The following PIGT variants were observed in gnomAD, a reference collection of about 807,000 sequenced individuals.
PIGT encodes the protein phosphatidylinositol glycan anchor biosynthesis class T.
PIGT carries 57 observed loss-of-function variants against 66.7 expected under a neutral mutation model. The observed-to-expected ratio is 0.86, with a 90% CI of 0.69 to 1.07. The LOEUF (loss-of-function observed/expected upper bound fraction) is 1.07, where lower values mean the gene tolerates loss of function less well. PIGT is among the 50% of genes least tolerant of loss of function. The pLI is 0.00. For synonymous variants in PIGT, 362 were observed against 320.5 expected (o/e 1.13, Z -1.38); for missense variants, 725 against 740.4 (o/e 0.98, Z 0.24).
chr20:45,423,771 C>T (rs534078551), intron 9 of PIGT: 6 of 161,994 alleles, frequency 3.7e-5, no homozygotes, highest in African/African-American at 7.3e-5. Flanking sequence ...TAGAATGTTC[C>T]ACATTCTGGG....
At chr20:45,416,921 C>T in intron 2 of PIGT, 1 of 414,394 alleles carries the variant, frequency 2.4e-6, no homozygotes, top group Non-Finnish European at 4.3e-6. Context: ...AGGCAAATAG[C>T]AAACAATTAA....
In PIGT at chr20:45,420,074, T is replaced by C. The variant is rs1257635495; in HGVS notation, c.682-62T>C. 63 of 1,210,948 alleles carry C rather than the reference T, an allele frequency of 5.2e-5. 3 individuals carry two copies. In the South Asian group the frequency reaches 6.3e-4, roughly 12 times the overall value. 75.0% of individuals were successfully genotyped at this position (1,210,948 alleles called of 1,614,324 possible). A position where few individuals can be genotyped will look rare whatever the true frequency, so the allele number is the denominator to read the frequency against. ...AGGGATTGAGTCTGAGTAGGAGTCT[T>C]TTTGGGGGCTGTGTGGTGAGAGTGA... On this transcript the variant is annotated intron_variant, in intron 5 of 11. Coordinates refer to ENST00000279036, the MANE Select transcript of PIGT (RefSeq NM_015937.6).
intron 2 of PIGT, 124 bp downstream of exon 2, chr20:45,416,818 C>A: frequency 1.2e-6 from 1 of 837,926 alleles, no homozygotes; most frequent in Non-Finnish European, 1.8e-6. Context: ...GGGGGTAGAG[C>A]TGGCATTGGA....
At chr20:45,418,670 G>A in intron 2 of PIGT, 182 bp from the exon 3 acceptor site, 1 of 641,222 alleles carries the variant, frequency 1.6e-6, no homozygotes, top group South Asian at 1.7e-5. Flanking sequence ...AAGGGGCTGA[G>A]TAGGATGAGA....
intron 2 of PIGT, chr20:45,418,043 T>A (rs1268569588): frequency 1.3e-5 from 2 of 152,284 alleles, no homozygotes; most frequent in African/African-American, 4.8e-5. Context: ...GCTTATTAAG[T>A]TTTATGCTTT....
chr20:45,424,423 T>TACC (rs745533644), intron 10 of PIGT, 42 bp downstream of exon 10: 76 of 1,613,616 alleles, frequency 4.7e-5, no homozygotes, highest in Admixed American at 6.7e-5. Context: ...CCCCCTGACC[T>TACC]ACCCTTTCTG....
chr20:45,422,565 G>A (rs144340326), intron 9 of PIGT: 2,989 of 150,768 alleles, frequency 0.02, 82 homozygotes, highest in Admixed American at 0.086. Flanking sequence ...TCCTACCTCC[G>A]CTTCCCTAGG....
At position 45,420,207 on chromosome 20, in the gene PIGT, G is replaced by A. The variant is rs374179368; in HGVS notation, c.753G>A (p.Thr251=). 6.8e-5 allele frequency: 110 copies of A among 1,611,226 alleles called. No individual in the cohort carries two copies. The Middle Eastern group carries it at 9.9e-4, about 14-fold the overall frequency. The change falls in exon 6 of 12, where the codon ACG becomes ACA. Residue 251 remains threonine, a synonymous_variant. Transcript: ENST00000279036. ...TLSVVFDAFI[T]GQGKKDWSLF... is the part of the protein sequence containing the mutation. The stretch of plus-strand genomic sequence containing the variant: ...CAGTTGTATTTGATGCCTTCATCAC[G>A]GGGCAGGGAAAGAAAGGTAAGTTAC...
At position 45,421,481 on chromosome 20, in the gene PIGT, T is replaced by A; in HGVS notation, c.1132T>A (p.Tyr378Asn). 6.2e-7 allele frequency: 1 copy of A among 1,614,156 alleles called. No individual in the cohort carries two copies. Among genetic ancestry groups the A allele is most frequent in the Non-Finnish European group, 8.5e-7 (1 of 1,179,980 alleles). The change falls in exon 9 of 12, where the codon TAC (tyrosine) becomes AAC (asparagine). Residue 378 changes from tyrosine to asparagine, a missense_variant. Physicochemically the swap from Tyr to Asn is moderately radical, Grantham distance 143. Around this residue, in one of 3 missense-constraint regions of PIGT, gnomAD observed 559 missense variants for 552.7 expected, o/e 1.01. Transcript: ENST00000279036. ...CACACTGCTGTACAACACCCACCCA[T>A]ACCGGGCCTTCCCGGTGCTGCTGCT... ...LSTLLYNTHP[Y>N]RAFPVLLLDT...
chr20:45,422,713 A>G (rs1347379446), intron 9 of PIGT: 1 of 152,138 alleles, frequency 6.6e-6, no homozygotes, highest in African/African-American at 2.4e-5. Context: ...TTATAGGTGT[A>G]AGCCGCTGCC....
Position 45,420,204 on chromosome 20 carries a change from C to T in PIGT, c.750C>T (p.Ile250=). ...TGTCAGTTGTATTTGATGCCTTCAT[C>T]ACGGGGCAGGGAAAGAAAGGTAAGT... ...QTLSVVFDAF[I]TGQGKKDWSL... Residue 250 remains isoleucine (I), a synonymous_variant, in exon 6 of 12, where the codon ATC becomes ATT. Transcript: ENST00000279036. 1.2e-6 allele frequency: 2 copies of T among 1,611,760 alleles called. No individual in the cohort carries two copies. Among genetic ancestry groups the T allele is most frequent in the Non-Finnish European group, 1.7e-6 (2 of 1,178,848 alleles).
chr20:45,424,397 A>C lies in PIGT; in HGVS notation c.1400+16A>C. ...TCTATGTCAGGTGGGCTCCACCCCC[A>C]CAGGCCACCTCTCATCCCCCTGACC... is the stretch of plus-strand genomic sequence containing the variant. On this transcript the variant is annotated intron_variant, in intron 10 of 11. Coordinates refer to ENST00000279036, the MANE Select transcript of PIGT (RefSeq NM_015937.6). 6.2e-7 allele frequency: 1 copy of C among 1,613,746 alleles called. No individual in the cohort carries two copies. Among genetic ancestry groups the C allele is most frequent in the Non-Finnish European group, 8.5e-7 (1 of 1,179,838 alleles).
At position 45,421,549 on chromosome 20, in the gene PIGT, C is replaced by A. The variant is rs200899089; in HGVS notation, c.1200C>A (p.Leu400=). Residue 400 remains leucine, a synonymous_variant, in exon 9 of 12, where the codon CTC becomes CTA. Transcript: ENST00000279036. ...PWYLRLYVHT[L]TITSKGKENK... is the part of the protein sequence containing the mutation. ...ATCTGCGGCTGTATGTGCACACCCT[C>A]ACCATCACCTCCAAGGGCAAGGAGA... is the stretch of plus-strand genomic sequence containing the variant. 13 of 1,614,140 alleles carry A rather than the reference C, an allele frequency of 8.1e-6. No homozygotes were observed. The East Asian group carries it at 2.9e-4, about 36-fold the overall frequency.
chr20:45,418,141 G>A (rs1425657996), intron 2 of PIGT: 1 of 152,830 alleles, frequency 6.5e-6, no homozygotes, highest in Admixed American at 6.5e-5. Flanking sequence ...TCCTAGAACA[G>A]TTGTTTTTCC....
intron 6 of PIGT, 29 bp downstream of exon 6, chr20:45,420,252 C>G (rs1335011547): frequency 6.3e-7 from 1 of 1,597,228 alleles, no homozygotes; most frequent in Non-Finnish European, 8.6e-7. Context: ...TCATCTGTAC[C>G]CACCCATGCC....
intron 6 of PIGT, 37 bp from the exon 7 acceptor site, chr20:45,420,295 G>GC: frequency 6.3e-7 from 1 of 1,598,648 alleles, no homozygotes; most frequent in Non-Finnish European, 8.6e-7. Flanking sequence ...CTAGGCCTAG[G>GC]CCTGGCCCCT....
At chr20:45,420,268 T>C in intron 6 of PIGT, 45 bp downstream of exon 6, 2 of 1,595,408 alleles carry the variant, frequency 1.3e-6, no homozygotes, top group South Asian at 1.1e-5. Context: ...ATGCCAGCCC[T>C]GCCTTATCTA....
rs762384810 is a variant in PIGT at position 45,418,996 on chromosome 20, A to G, written c.493+17A>G. On this transcript the variant is annotated intron_variant, in intron 3 of 11. Transcript: ENST00000279036. ...TGGCCAATGGTGAGATAACCCCTAC[A>G]GCCCTTTCCTTCTTCCTCTTACCTC... 6.2e-7 allele frequency: 1 copy of G among 1,613,934 alleles called. No individual in the cohort carries two copies.
rs186678966 is a variant in PIGT, at chr20:45,423,949, G to A, written c.1235-267G>A. ...GCGTCACATCAGGCACTTGGTGTCT[G>A]GTGCCCCAGTTGTAGTGATGTGAAG... is the stretch of plus-strand genomic sequence containing the variant. On this transcript the variant is annotated intron_variant, in intron 9 of 11. Transcript: ENST00000279036. 2.4e-3 allele frequency: 1,091 copies of A among 459,666 alleles called. 4 individuals carry two copies. Among genetic ancestry groups the A allele is most frequent in the Non-Finnish European group, 3.3e-3 (838 of 251,058 alleles). The allele number at this position is 459,666 out of a possible 1,614,324, so 28.5% of individuals were successfully genotyped here.
Sources: allele counts gnomAD v4.1 joint callset, GRCh38; gene constraint gnomAD v4.1.1; regional missense constraint gnomAD v4.1.1; transcripts MANE v1.5; gene names NCBI Gene and HGNC (gene_info 2026-07-23, HGNC 2026-07-21).